NEGR1: variants seen among roughly 807,000 people sequenced by gnomAD.
NEGR1 encodes neuronal growth regulator 1.
NEGR1 carries 10 observed loss-of-function variants against 40.9 expected under a neutral mutation model. That is an observed-to-expected ratio of 0.24 (90% CI 0.15 to 0.42). The LOEUF (loss-of-function observed/expected upper bound fraction) is 0.42. Ranked by LOEUF, NEGR1 falls within the 10% of genes least tolerant of loss-of-function variation. NEGR1 has a pLI of 1.00. For synonymous variants in NEGR1, 185 were observed against 166.8 expected (o/e 1.11, Z -0.84); for missense variants, 352 against 438.9 (o/e 0.80, Z 1.77).
chr1:72,212,720 C>G (rs2100465890), intron 1 of NEGR1, among the ~76,000 whole-genome samples: 1 of 152,014 alleles, frequency 6.6e-6, no homozygotes, highest in East Asian at 1.9e-4. Context: ...AAAGATCAAA[C>G]AGCTATTCTA....
chr1:71,868,479 C>G (rs1431434714), intron 2 of NEGR1, among the ~76,000 whole-genome samples: 63 of 80,062 alleles, frequency 7.9e-4, no homozygotes, highest in African/African-American at 2.5e-3. Context: ...AGAATACATA[C>G]ATACATACAT....
intron 4 of NEGR1, among the ~76,000 whole-genome samples, chr1:71,660,742 G>A (rs1652026184): frequency 2.0e-5 from 3 of 152,046 alleles, no homozygotes; most frequent in Admixed American, 6.5e-5. Context: ...GGATACATGC[G>A]CACAACCTGC....
intron 2 of NEGR1, among the ~76,000 whole-genome samples, chr1:71,861,206 GTGACTCATATAAAA>G (rs1196631482): frequency 6.6e-6 from 1 of 151,900 alleles, no homozygotes; most frequent in African/African-American, 2.4e-5. Context: ...TCATCTCTTT[GTGACTCATATAAAA>G]TGACTCATAT....
intron 1 of NEGR1, among the ~76,000 whole-genome samples, chr1:71,996,908 CATACTCCTCCTTTTGGTTCT>C (rs1373585201): frequency 6.6e-6 from 1 of 152,038 alleles, no homozygotes; most frequent in East Asian, 1.9e-4. Context: ...CTCTTTGAAA[CATACTCCTCCTTTTGGTTCT>C]ATATGGCCCG....
intron 1 of NEGR1, among the ~76,000 whole-genome samples, chr1:71,986,070 CAT>C (rs1646391438): frequency 6.6e-6 from 1 of 152,168 alleles, no homozygotes; most frequent in South Asian, 2.1e-4. Flanking sequence ...GGAAAATACT[CAT>C]ATGTATTTAT....
chr1:71,809,172 G>A (rs534811733), intron 2 of NEGR1, among the ~76,000 whole-genome samples: 2 of 152,196 alleles, frequency 1.3e-5, no homozygotes, highest in African/African-American at 4.8e-5. Flanking sequence ...CAATTTATTC[G>A]TGTTGCAAAA....
intron 1 of NEGR1, among the ~76,000 whole-genome samples, chr1:72,244,079 T>C (rs958282855): frequency 1.3e-5 from 2 of 151,808 alleles, no homozygotes; most frequent in African/African-American, 4.8e-5. Flanking sequence ...TCATTATTTA[T>C]TTATTTTATT....
At chr1:71,959,081 A>G (rs563373927) in intron 1 of NEGR1, among the ~76,000 whole-genome samples, 3 of 152,110 alleles carry the variant, frequency 2.0e-5, no homozygotes, top group Non-Finnish European at 4.4e-5. Context: ...TGTTTACACC[A>G]TTATAATCTC....
At chr1:71,736,460 C>T (rs1655044629) in intron 3 of NEGR1, among the ~76,000 whole-genome samples, 1 of 152,054 alleles carries the variant, frequency 6.6e-6, no homozygotes, top group African/African-American at 2.4e-5. Flanking sequence ...ATTTTTTCCC[C>T]TAAGTTCGAG....
intron 2 of NEGR1, among the ~76,000 whole-genome samples, chr1:71,885,518 G>A (rs1660700536): frequency 6.6e-6 from 1 of 152,070 alleles, no homozygotes; most frequent in Non-Finnish European, 1.5e-5. Flanking sequence ...TTAAACTTCT[G>A]TAGTAAAACA....
At chr1:71,862,071 A>C (rs1335938973) in intron 2 of NEGR1, among the ~76,000 whole-genome samples, 1 of 152,114 alleles carries the variant, frequency 6.6e-6, no homozygotes, top group African/African-American at 2.4e-5. Context: ...TATTTTTCCT[A>C]AATTATATGT....
chr1:72,072,233 C>T (rs1647496431), intron 1 of NEGR1, among the ~76,000 whole-genome samples: 1 of 152,024 alleles, frequency 6.6e-6, no homozygotes, highest in Non-Finnish European at 1.5e-5. Context: ...CTCAAGTATA[C>T]CTTTAAAATA....
rs574983695 is a variant in NEGR1 at position 71,954,900 on chromosome 1, G to A, written c.177-19589C>T. ...TTGCCATCATTTATTTTATGAAAATGTATATGGTGATAACCTAGATATTAA... is the reference window on the plus strand; with the variant it reads ...TTGCCATCATTTATTTTATGAAAATATATATGGTGATAACCTAGATATTAA... On this transcript the variant is annotated intron_variant, in intron 1 of 6. Coordinates refer to ENST00000357731, the MANE Select transcript of NEGR1 (RefSeq NM_173808.3). Among the ~76,000 whole-genome samples the A allele has an allele frequency of 3.9e-5, 6 of 152,210 alleles. No individual in the cohort carries two copies. The South Asian group carries it at 6.2e-4, about 16-fold the overall frequency.
rs149978055 is a variant in NEGR1 at position 71,992,189 on chromosome 1, T to C, written c.177-56878A>G. Among the ~76,000 whole-genome samples, 449 of 152,312 alleles carry C rather than the reference T, an allele frequency of 2.9e-3. 1 individual carries two copies. The highest frequency in any genetic ancestry group is 0.01 in the African/African-American group (429 of 41,572). ...AAGAACAGCTTTAATATTATGAGTA[T>C]TATTTAAAAATTGTGTATTTCATAT... On this transcript the variant is annotated intron_variant, in intron 1 of 6. Transcript: ENST00000357731.
chr1:72,187,631 T>C (rs2100423091), intron 1 of NEGR1, among the ~76,000 whole-genome samples: 1 of 148,314 alleles, frequency 6.7e-6, no homozygotes, highest in African/African-American at 2.5e-5. Context: ...TATTTCTTTC[T>C]AAACATGCCA....
chr1:71,894,780 T>C (rs1660919959), intron 2 of NEGR1, among the ~76,000 whole-genome samples: 1 of 152,304 alleles, frequency 6.6e-6, no homozygotes, highest in Non-Finnish European at 1.5e-5. Flanking sequence ...TGGTGGCTCA[T>C]GCCTGTAGTT....
At chr1:71,596,754 C>T (rs1181423271) in intron 5 of NEGR1, among the ~76,000 whole-genome samples, 4 of 152,308 alleles carry the variant, frequency 2.6e-5, no homozygotes, top group East Asian at 3.9e-4. Context: ...GGAATAACAA[C>T]AGATATCTCT....
intron 1 of NEGR1, among the ~76,000 whole-genome samples, chr1:72,023,532 G>A (rs181569470): frequency 6.6e-6 from 1 of 151,536 alleles, no homozygotes; most frequent in Non-Finnish European, 1.5e-5. Context: ...AATGAGAGTT[G>A]TGCTGCTAAA....
chr1:72,112,832 C>T (rs1409699433), intron 1 of NEGR1, among the ~76,000 whole-genome samples: 3 of 151,560 alleles, frequency 2.0e-5, no homozygotes, highest in Non-Finnish European at 4.4e-5. Context: ...TCTGGGCGCT[C>T]CCCTGACATG....
Sources: gnomAD v4.1 joint callset for allele counts (sites outside exome capture counted in the v4.1 genomes callset) on GRCh38, gnomAD v4.1.1 for gene constraint, MANE v1.5 for transcripts, NCBI Gene and HGNC (gene_info 2026-07-23, HGNC 2026-07-21) for gene names.